SLC9A2: variants seen among roughly 807,000 people sequenced by gnomAD.
The protein encoded by SLC9A2 is solute carrier family 9 member A2.
A neutral mutation model predicts 71.7 loss-of-function variants in SLC9A2; 42 were observed. The ratio of observed to expected loss-of-function variants is 0.59; its 90% CI spans 0.46 to 0.76. SLC9A2 has a LOEUF of 0.76. Among genes scored for constraint, SLC9A2 ranks in the 30% least tolerant of loss-of-function variants. The probability of loss-of-function intolerance (pLI) is 0.00; values close to 1 mark genes in which losing one functional copy is unlikely to be tolerated. For synonymous variants in SLC9A2, 396 were observed against 392.5 expected, an observed-to-expected ratio of 1.01 and a Z score of -0.10; for missense variants, 829 against 1,017.4, an observed-to-expected ratio of 0.81 and a Z score of 2.52.
chr2:102,705,806 AT>A, intron 10 of SLC9A2, 39 bp from the exon 11 acceptor site: 1 of 1,229,358 alleles, frequency 8.1e-7, no homozygotes, highest in Non-Finnish European at 1.2e-6. Context: ...AATAAGTGCC[AT>A]TTGTATAGTT....
At chr2:102,698,863 G>A (rs10185862) in intron 7 of SLC9A2, among the ~76,000 whole-genome samples, 117,387 of 152,054 alleles carry the variant, frequency 0.77, 45,341 homozygotes, top group Admixed American at 0.79. Flanking sequence ...CAAGTCATCT[G>A]TGCCATGATG....
chr2:102,642,028 C>A (rs1676591822), intron 1 of SLC9A2, among the ~76,000 whole-genome samples: 1 of 140,126 alleles, frequency 7.1e-6, no homozygotes, highest in Admixed American at 7.7e-5. Context: ...GCACAAGTAC[C>A]CTAGAACTTA....
chr2:102,644,356 A>G (rs1676673492), intron 1 of SLC9A2, among the ~76,000 whole-genome samples: 3 of 151,994 alleles, frequency 2.0e-5, no homozygotes, highest in African/African-American at 7.2e-5. Context: ...CTACACAACC[A>G]GGGCCCTCGG....
chr2:102,665,644 G>T (rs1677119943), intron 3 of SLC9A2, among the ~76,000 whole-genome samples: 1 of 151,420 alleles, frequency 6.6e-6, no homozygotes, highest in African/African-American at 2.4e-5. Flanking sequence ...CGTGGTGATG[G>T]GCCCCTGTAG....
rs1217781144 is a variant in SLC9A2 at position 102,709,647 on chromosome 2, C to T, written c.*1158C>T. The T allele has an allele frequency of 2.6e-5, 4 of 152,680 alleles. No individual in the cohort carries two copies. The highest frequency in any genetic ancestry group is 1.9e-4 in the East Asian group (1 of 5,314). The allele number at this position is 152,680 out of a possible 1,614,324, so 9.5% of individuals were successfully genotyped here. A position where few individuals can be genotyped will look rare whatever the true frequency, so the allele number is the denominator to read the frequency against. On this transcript the variant is annotated 3_prime_UTR_variant, in exon 12 of 12. Coordinates refer to ENST00000233969, the MANE Select transcript of SLC9A2 (RefSeq NM_003048.6). ...CTGTAATTTGTTACCTCTCCCCATT[C>T]GATAATATAGTAACTCAGAATTTTC...
At chr2:102,679,085 T>C (rs1461219347) in intron 3 of SLC9A2, among the ~76,000 whole-genome samples, 3 of 152,134 alleles carry the variant, frequency 2.0e-5, no homozygotes, top group East Asian at 1.9e-4. Context: ...ATGGGAACTT[T>C]AGGAATGTTT....
chr2:102,621,454 G>A (rs578104788), intron 1 of SLC9A2, among the ~76,000 whole-genome samples: 109 of 150,852 alleles, frequency 7.2e-4, no homozygotes, highest in African/African-American at 2.5e-3. Flanking sequence ...CATTACCCAC[G>A]CCCCAGAAAC....
chr2:102,665,068 G>T, intron 2 of SLC9A2, 32 bp from the exon 3 acceptor site: 6 of 1,596,916 alleles, frequency 3.8e-6, no homozygotes, highest in Non-Finnish European at 4.3e-6. Flanking sequence ...ATGGGAAAGG[G>T]TCTTGACAAG....
rs1476689821 is a variant in SLC9A2 at position 102,708,472 on chromosome 2, G to A, written c.2422G>A (p.Gly808Arg). 1.9e-6 allele frequency: 3 copies of A among 1,614,004 alleles called. No homozygotes were observed. The East Asian group carries it at 6.7e-5, about 36-fold the overall frequency. ...ACCTGGAAGCCGGAAAGCCCGATTT[G>A]GGAGTGAGAAGCCTTAAGAGAAGCA... ...SEPGSRKARF[G>R]SEKP The change falls in exon 12 of 12, where the codon GGG (glycine) becomes AGG (arginine). Residue 808 changes from glycine to arginine, a missense_variant. Gly to Arg is a moderately radical substitution (Grantham distance 125). This residue lies in a region of SLC9A2 where 223 missense variants were observed against 197.5 expected (regional missense o/e 1.13). Transcript: ENST00000233969.
rs572082744 is a variant in SLC9A2 at position 102,673,843 on chromosome 2, G to C, written c.1004+8493G>C. On this transcript the variant is annotated intron_variant, in intron 3 of 11. Transcript: ENST00000233969. ...ACTCTGTCGCCCAGGCTGGAGTATA[G>C]TGGCGTGATCTTGGCTCACTGCAAG... 2.0e-5 allele frequency among the ~76,000 whole-genome samples: 3 copies of C among 149,136 alleles called. No individual in the cohort carries two copies. The East Asian group carries it at 5.9e-4, about 30-fold the overall frequency.
At chr2:102,643,308 G>A (rs1185990173) in intron 1 of SLC9A2, among the ~76,000 whole-genome samples, 1 of 152,156 alleles carries the variant, frequency 6.6e-6, no homozygotes, top group Non-Finnish European at 1.5e-5. Flanking sequence ...AAGCCAGGGT[G>A]TTCCTTACAC....
In SLC9A2 at chr2:102,708,251, A is replaced by C. The variant is rs1261029608; in HGVS notation, c.2201A>C (p.Glu734Ala). 1.2e-6 allele frequency: 2 copies of C among 1,614,144 alleles called. No homozygotes were observed. The highest frequency in any genetic ancestry group is 3.3e-5 in the Admixed American group (2 of 60,014). Residue 734 changes from glutamate (E) to alanine (A), a missense_variant, in exon 12 of 12, where the codon GAG becomes GCG. This residue lies in a region of SLC9A2 where 223 missense variants were observed against 197.5 expected (regional missense o/e 1.13). Coordinates refer to ENST00000233969, the MANE Select transcript of SLC9A2 (RefSeq NM_003048.6). ...PQSYKMEWKN[E>A]VDVDSGRDMP... ...TCCTATAAAATGGAATGGAAGAATGAGGTAGATGTTGATTCTGGCCGAGAT... is the reference window on the plus strand; with the variant it reads ...TCCTATAAAATGGAATGGAAGAATGCGGTAGATGTTGATTCTGGCCGAGAT...
intron 1 of SLC9A2, among the ~76,000 whole-genome samples, chr2:102,656,868 A>G (rs1260216413): frequency 6.6e-6 from 1 of 152,196 alleles, no homozygotes; most frequent in Admixed American, 6.6e-5. Flanking sequence ...ATGAAATGAG[A>G]TGTTACATCT....
In SLC9A2 at chr2:102,701,156, A is replaced by G; in HGVS notation, c.1673A>G (p.Lys558Arg). 1 of 1,611,710 alleles carries G rather than the reference A, an allele frequency of 6.2e-7. No homozygotes were observed. Among genetic ancestry groups the G allele is most frequent in the Non-Finnish European group, 8.5e-7 (1 of 1,178,848 alleles). The stretch of plus-strand genomic sequence containing the variant: ...TCAAGTATTGTATCTTTATATAAAA[A>G]GCTTGAAATAAAACATGCCATTGAG... Reference protein sequence around the residue: ...PKSSIVSLYKKLEIKHAIEMA... With the variant: ...PKSSIVSLYKRLEIKHAIEMA... Residue 558 changes from lysine to arginine, a missense_variant, in exon 8 of 12, where the codon AAG (lysine) becomes AGG (arginine). Coordinates refer to ENST00000233969, the MANE Select transcript of SLC9A2 (RefSeq NM_003048.6).
chr2:102,645,659 C>G (rs1031449584), intron 1 of SLC9A2, among the ~76,000 whole-genome samples: 2 of 151,796 alleles, frequency 1.3e-5, no homozygotes, highest in Non-Finnish European at 1.5e-5. Flanking sequence ...GAAGCATACA[C>G]AAGTGTCAAT....
At chr2:102,662,125 G>C (rs1216665095) in intron 2 of SLC9A2, among the ~76,000 whole-genome samples, 1 of 152,186 alleles carries the variant, frequency 6.6e-6, no homozygotes, top group Non-Finnish European at 1.5e-5. Flanking sequence ...TCTCAGGCAG[G>C]AGAAGGATCA....
At chr2:102,696,684 C>T (rs1677775119) in intron 7 of SLC9A2, among the ~76,000 whole-genome samples, 1 of 152,128 alleles carries the variant, frequency 6.6e-6, no homozygotes, top group African/African-American at 2.4e-5. Flanking sequence ...ACAACCTTTA[C>T]AAGCTTTACA....
At chr2:102,653,567 T>C (rs1676875818) in intron 1 of SLC9A2, among the ~76,000 whole-genome samples, 2 of 152,230 alleles carry the variant, frequency 1.3e-5, no homozygotes, top group South Asian at 2.1e-4. Context: ...GGCAGGTGCA[T>C]TGGCCTCTGT....
At chr2:102,632,121 C>CATATATACATATATATGT (rs1380888281) in intron 1 of SLC9A2, among the ~76,000 whole-genome samples, 2 of 95,072 alleles carry the variant, frequency 2.1e-5, no homozygotes, top group East Asian at 2.8e-4. Context: ...TGTATATATA[C>CATATATACATATATATGT]ATATATACAT....
Sources: gnomAD v4.1 joint callset for allele counts (sites outside exome capture counted in the v4.1 genomes callset) on GRCh38, gnomAD v4.1.1 for gene constraint, gnomAD v4.1.1 regional missense constraint, MANE v1.5 for transcripts, NCBI Gene and HGNC (gene_info 2026-07-23, HGNC 2026-07-21) for gene names.